Variants in WFDC1 observed in about 807,000 individuals in gnomAD.
The protein encoded by WFDC1 is WAP four-disulfide core domain 1, also known as WAP four-disulfide core domain protein 1.
A neutral mutation model predicts 32.9 loss-of-function variants in WFDC1; 39 were observed. The ratio of observed to expected loss-of-function variants is 1.19; its 90% CI spans 0.92 to 1.55. WFDC1 has a LOEUF of 1.55. Ranked by LOEUF, WFDC1 falls within the 40% of genes most tolerant of loss-of-function variation. The pLI, the probability that WFDC1 is intolerant of heterozygous loss-of-function variation, is 0.00. For synonymous variants in WFDC1, 184 were observed against 137.4 expected (o/e 1.34, Z -2.37); for missense variants, 386 against 309.5 (o/e 1.25, Z -1.85).
At chr16:84,324,925 A>C (rs2151380494) in intron 5 of WFDC1, among the ~76,000 whole-genome samples, 1 of 151,786 alleles carries the variant, frequency 6.6e-6, no homozygotes, top group African/African-American at 2.4e-5. Context: ...ATATCCATCT[A>C]TTCTTTCATT....
intron 1 of WFDC1, among the ~76,000 whole-genome samples, chr16:84,307,942 A>G (rs1597671257): frequency 6.6e-6 from 1 of 152,018 alleles, no homozygotes; most frequent in Non-Finnish European, 1.5e-5. Context: ...ATAAAAGGTG[A>G]TAAAAGGTCC....
At chr16:84,316,943 A>G (rs244794) in intron 2 of WFDC1, 144,371 of 151,740 alleles carry the variant, frequency 0.95, 69,043 homozygotes, top group East Asian at 1. Context: ...GCGCCATTGC[A>G]CTCCAGCCTG....
intron 4 of WFDC1, 86 bp downstream of exon 4, chr16:84,319,657 G>A: frequency 2.0e-6 from 3 of 1,526,378 alleles, no homozygotes; most frequent in Admixed American, 1.9e-5. Context: ...TGGACGACCT[G>A]CCCCAGGAAG....
rs551562058 is a variant in WFDC1 at position 84,296,067 on chromosome 16, C to T, written c.144+952C>T. 2.6e-5 allele frequency among the ~76,000 whole-genome samples: 4 copies of T among 152,198 alleles called. No homozygotes were observed. The South Asian group carries it at 6.2e-4, about 24-fold the overall frequency. The stretch of plus-strand genomic sequence containing the variant: ...AGGAGAGAGAATGGGGTGGAGGAGG[C>T]TATCATTTTTGGTTCCTCCCACCCC... On this transcript the variant is annotated intron_variant, in intron 1 of 6. Coordinates refer to ENST00000219454, the MANE Select transcript of WFDC1 (RefSeq NM_021197.4).
chr16:84,295,654 C>A (rs1338052635), intron 1 of WFDC1: 1 of 155,958 alleles, frequency 6.4e-6, no homozygotes, highest in Non-Finnish European at 1.4e-5. Context: ...GGTGCAGAGG[C>A]AGTTGGGTGA....
chr16:84,294,993 C>A lies in WFDC1; in HGVS notation c.22C>A (p.Pro8Thr). The A allele has an allele frequency of 6.2e-7, 1 of 1,613,806 alleles. No homozygotes were observed. Among genetic ancestry groups the A allele is most frequent in the Non-Finnish European group, 8.5e-7 (1 of 1,179,804 alleles). The change falls in exon 1 of 7, where the codon CCG becomes ACG. Residue 8 changes from proline to threonine, a missense_variant. Transcript: ENST00000219454. ...GGAAATGCCTTTAACCGGCGTGGGG[C>A]CGGGCAGCTGCAGGAGGCAGATCAT... The part of the protein sequence containing the change: MPLTGVG[P>T]GSCRRQIIRA...
At position 84,294,893 on chromosome 16, in the gene WFDC1, C is replaced by T; in HGVS notation, c.-79C>T. 1 of 1,557,346 alleles carries T rather than the reference C, an allele frequency of 6.4e-7. No individual in the cohort carries two copies. The highest frequency in any genetic ancestry group is 8.7e-7 in the Non-Finnish European group (1 of 1,152,672). ...AAAGTCCAGCAGACTGTGCACGCTC[C>T]TGTCCCCACTCACAGGCCCACGCAG... On this transcript the variant is annotated 5_prime_UTR_variant, in exon 1 of 7. Coordinates refer to ENST00000219454, the MANE Select transcript of WFDC1 (RefSeq NM_021197.4).
chr16:84,311,222 TCC>T (rs1387062817), intron 1 of WFDC1, among the ~76,000 whole-genome samples: 1 of 149,326 alleles, frequency 6.7e-6, no homozygotes, highest in African/African-American at 2.5e-5. Flanking sequence ...TCACCCATAT[TCC>T]TATATGTTAA....
At chr16:84,327,028 C>G (rs1349930345) in intron 6 of WFDC1, 73 bp downstream of exon 6, 6 of 1,482,876 alleles carry the variant, frequency 4.0e-6, no homozygotes, top group African/African-American at 2.8e-5. Context: ...CTTTCACCAC[C>G]AGGTTGAGGA....
At chr16:84,296,954 TC>T (rs1906634124) in intron 1 of WFDC1, 1 of 152,170 alleles carries the variant, frequency 6.6e-6, no homozygotes, top group Non-Finnish European at 1.5e-5. Context: ...TTTTATTGAC[TC>T]CTCCATGCTC....
At chr16:84,310,449 G>T (rs994006822) in intron 1 of WFDC1, among the ~76,000 whole-genome samples, 1 of 152,168 alleles carries the variant, frequency 6.6e-6, no homozygotes, top group African/African-American at 2.4e-5. Context: ...CCAGGACTTG[G>T]ATGATGTGCC....
At chr16:84,326,691 G>C in intron 5 of WFDC1, 191 bp from the exon 6 acceptor site, 1 of 615,500 alleles carries the variant, frequency 1.6e-6, no homozygotes, top group Non-Finnish European at 2.9e-6. Context: ...CATAGACAGA[G>C]CTGGTGACAC....
chr16:84,309,500 C>G (rs974177526), intron 1 of WFDC1, among the ~76,000 whole-genome samples: 22 of 151,814 alleles, frequency 1.4e-4, no homozygotes, highest in African/African-American at 5.3e-4. Flanking sequence ...GGACTTGGGC[C>G]TGGGGTGGGG....
chr16:84,324,898 C>T (rs572289325), intron 5 of WFDC1, among the ~76,000 whole-genome samples: 1 of 151,888 alleles, frequency 6.6e-6, no homozygotes, highest in East Asian at 1.9e-4. Flanking sequence ...CATCCATCCT[C>T]TCATTCATCC....
At chr16:84,326,583 T>A (rs562996208) in intron 5 of WFDC1, 1 of 363,880 alleles carries the variant, frequency 2.7e-6, no homozygotes, top group Admixed American at 3.9e-5. Flanking sequence ...GGCAGCAGAA[T>A]GGCATGTGTG....
intron 1 of WFDC1, among the ~76,000 whole-genome samples, chr16:84,296,185 G>A (rs1906587606): frequency 1.3e-5 from 2 of 152,340 alleles, no homozygotes; most frequent in East Asian, 3.9e-4. Context: ...CACAGCACCT[G>A]TGTGAGGATT....
At position 84,313,102 on chromosome 16, in the gene WFDC1, T is replaced by A; in HGVS notation, c.286T>A (p.Cys96Ser). ...DSECPRHRRC[C>S]YNGCAYACLE... is the part of the protein sequence containing the mutation. Reference sequence around the variant, plus strand: ...CGAGTGCCCGCGGCACCGGCGCTGCTGCTACAACGGATGCGCCTACGCCTG... The same window carrying A: ...CGAGTGCCCGCGGCACCGGCGCTGCAGCTACAACGGATGCGCCTACGCCTG... Residue 96 changes from cysteine to serine, a missense_variant, in exon 2 of 7, where the codon TGC (cysteine) becomes AGC (serine). Transcript: ENST00000219454. The A allele has an allele frequency of 2.1e-6, 3 of 1,438,954 alleles. No homozygotes were observed. The highest frequency in any genetic ancestry group is 2.7e-6 in the Non-Finnish European group (3 of 1,102,580). 89.1% of individuals were successfully genotyped at this position (1,438,954 alleles called of 1,614,324 possible). A position where few individuals can be genotyped will look rare whatever the true frequency, so the allele number is the denominator to read the frequency against.
At chr16:84,306,295 T>C (rs1907253374) in intron 1 of WFDC1, among the ~76,000 whole-genome samples, 1 of 152,160 alleles carries the variant, frequency 6.6e-6, no homozygotes, top group Admixed American at 6.5e-5. Context: ...CAGCCTTTGA[T>C]GTATAAGAGA....
intron 1 of WFDC1, among the ~76,000 whole-genome samples, chr16:84,296,639 T>G (rs1202948104): frequency 6.6e-6 from 1 of 152,176 alleles, no homozygotes; most frequent in African/African-American, 2.4e-5. Context: ...GTTCGGCACA[T>G]GCTCGTGGCG....
Sources: gnomAD v4.1 joint callset for allele counts (sites outside exome capture counted in the v4.1 genomes callset) on GRCh38, gnomAD v4.1.1 for gene constraint, MANE v1.5 for transcripts, NCBI Gene and HGNC (gene_info 2026-07-23, HGNC 2026-07-21) for gene names.